PLA2G12B: variants seen among roughly 807,000 people sequenced by gnomAD.
The protein encoded by PLA2G12B is group XIIB secretory phospholipase A2-like protein.
A neutral mutation model predicts 22.3 loss-of-function variants in PLA2G12B; 19 were observed. That is an observed-to-expected ratio of 0.85 (90% confidence interval 0.60 to 1.25). The LOEUF is 1.25. PLA2G12B is among the 50% of genes most tolerant of loss of function. The pLI is 0.00. For missense variants in PLA2G12B, 191 were observed against 246.6 expected, an observed-to-expected ratio of 0.77 and a Z score of 1.51; for synonymous variants, 81 against 94.9, an observed-to-expected ratio of 0.85 and a Z score of 0.85.
Position 72,953,703 on chromosome 10 carries a change from G to A in PLA2G12B, c.211+772C>T, listed in dbSNP as rs377169868. On this transcript the variant is annotated intron_variant, in intron 1 of 3. Coordinates refer to ENST00000373032, the MANE Select transcript of PLA2G12B (RefSeq NM_032562.5). The stretch of plus-strand genomic sequence containing the variant: ...CCCCTGGGACCAGGGGCTCTGTGCC[G>A]GCAGCCAGGTGTGCACCTTATATCT... Among the ~76,000 whole-genome samples, 8 of 151,996 alleles carry A rather than the reference G, an allele frequency of 5.3e-5. No homozygotes were observed. In the East Asian group the frequency reaches 1.4e-3, roughly 26 times the overall value.
intron 3 of PLA2G12B, among the ~76,000 whole-genome samples, chr10:72,938,462 G>A (rs188340607): frequency 1.4e-4 from 22 of 151,960 alleles, no homozygotes; most frequent in East Asian, 9.7e-4. Context: ...AAAAATATTA[G>A]AACTAAGGAG....
At chr10:72,935,954 G>A (rs1642800015) in intron 3 of PLA2G12B, among the ~76,000 whole-genome samples, 1 of 152,098 alleles carries the variant, frequency 6.6e-6, no homozygotes, top group Admixed American at 6.5e-5. Flanking sequence ...TGGGCCCTTG[G>A]TCAAAACAAT....
chr10:72,946,922 CT>C (rs971582524), intron 1 of PLA2G12B, among the ~76,000 whole-genome samples: 2,038 of 142,758 alleles, frequency 0.014, 41 homozygotes, highest in African/African-American at 0.045. Flanking sequence ...TTTTCATCTT[CT>C]TTTTTTTTTT....
chr10:72,939,605 A>G (rs758853333), intron 3 of PLA2G12B, among the ~76,000 whole-genome samples: 27 of 152,142 alleles, frequency 1.8e-4, no homozygotes, highest in Admixed American at 5.9e-4. Context: ...ACTAGAAACA[A>G]GCTATCTGAA....
chr10:72,949,936 C>G (rs1044907574), intron 1 of PLA2G12B, among the ~76,000 whole-genome samples: 23 of 152,042 alleles, frequency 1.5e-4, no homozygotes, highest in Non-Finnish European at 1.5e-5. Context: ...GAGATAGTAC[C>G]ACTGCACTCC....
At chr10:72,948,245 G>C (rs1182104145) in intron 1 of PLA2G12B, among the ~76,000 whole-genome samples, 2 of 152,100 alleles carry the variant, frequency 1.3e-5, no homozygotes, top group African/African-American at 2.4e-5. Flanking sequence ...TCGGTTTCTT[G>C]GGTTACCCTC....
At chr10:72,948,941 C>T (rs1336635144) in intron 1 of PLA2G12B, among the ~76,000 whole-genome samples, 4 of 152,196 alleles carry the variant, frequency 2.6e-5, no homozygotes, top group African/African-American at 4.8e-5. Flanking sequence ...CACTGCCTCC[C>T]GGGCCCGCCC....
chr10:72,943,017 G>C (rs1022627001), intron 1 of PLA2G12B, among the ~76,000 whole-genome samples: 2 of 151,174 alleles, frequency 1.3e-5, no homozygotes, highest in Non-Finnish European at 2.9e-5. Flanking sequence ...CCAGGCTGGA[G>C]TGCAGTGGTG....
rs770141243 is a variant in PLA2G12B, at chr10:72,935,536, G to A, written c.*81C>T. On this transcript the variant is annotated 3_prime_UTR_variant, in exon 4 of 4. Transcript: ENST00000373032. Reference sequence around the variant, plus strand: ...TCCAAACTGTTGGAAGAACGAATGAGTCACGCTGACTCGAAGACTTGACAT... The same window carrying A: ...TCCAAACTGTTGGAAGAACGAATGAATCACGCTGACTCGAAGACTTGACAT... The A allele has an allele frequency of 6.4e-7, 1 of 1,569,236 alleles. No homozygotes were observed. The highest frequency in any genetic ancestry group is 1.4e-5 in the African/African-American group (1 of 74,002).
chr10:72,944,000 TTTTC>T (rs1247179546), intron 1 of PLA2G12B, among the ~76,000 whole-genome samples: 5 of 151,826 alleles, frequency 3.3e-5, no homozygotes, highest in African/African-American at 1.2e-4. Context: ...CTTTCTTTCT[TTTTC>T]TTTCTTCCTT....
At chr10:72,952,215 T>G (rs1453797969) in intron 1 of PLA2G12B, among the ~76,000 whole-genome samples, 1 of 152,236 alleles carries the variant, frequency 6.6e-6, no homozygotes, top group Non-Finnish European at 1.5e-5. Flanking sequence ...AAAATCTGGC[T>G]GGTGCCGTGG....
intron 2 of PLA2G12B, 75 bp from the exon 3 acceptor site, chr10:72,941,409 C>A: frequency 6.9e-7 from 1 of 1,441,244 alleles, no homozygotes; most frequent in Non-Finnish European, 9.5e-7. Flanking sequence ...GGCAACCTTG[C>A]CCACCTTGTT....
At chr10:72,941,374 T>C (rs367662469) in intron 2 of PLA2G12B, 40 bp from the exon 3 acceptor site, 6 of 1,590,126 alleles carry the variant, frequency 3.8e-6, no homozygotes, top group Non-Finnish European at 5.2e-6. Context: ...GGGGAAGAAA[T>C]GCCACGTTTA....
intron 1 of PLA2G12B, among the ~76,000 whole-genome samples, chr10:72,943,656 T>A (rs934466355): frequency 6.6e-6 from 1 of 152,206 alleles, no homozygotes; most frequent in East Asian, 1.9e-4. Context: ...GTTGTATCAA[T>A]GGCAGTGCTC....
At chr10:72,940,331 A>C (rs1361883055) in intron 3 of PLA2G12B, among the ~76,000 whole-genome samples, 1 of 152,202 alleles carries the variant, frequency 6.6e-6, no homozygotes, top group African/African-American at 2.4e-5. Context: ...TCAGAAACTG[A>C]GACAGTAAAA....
intron 1 of PLA2G12B, among the ~76,000 whole-genome samples, chr10:72,943,469 G>T (rs999385664): frequency 1.3e-5 from 2 of 152,116 alleles, no homozygotes; most frequent in African/African-American, 4.8e-5. Flanking sequence ...TTAACTTGCA[G>T]GAAATTCAAG....
chr10:72,943,968 CTTT>C (rs1440774517), intron 1 of PLA2G12B, among the ~76,000 whole-genome samples: 3 of 151,824 alleles, frequency 2.0e-5, no homozygotes, highest in Non-Finnish European at 4.4e-5. Flanking sequence ...TCTTTCTTTT[CTTT>C]CTTTCTTTTT....
Position 72,941,168 on chromosome 10 carries a change from C to T in PLA2G12B, c.466+1G>A, listed in dbSNP as rs1437289582. On this transcript the variant is annotated splice_donor_variant, in intron 3 of 3. Coordinates refer to ENST00000373032, the MANE Select transcript of PLA2G12B (RefSeq NM_032562.5). LOFTEE classifies it high-confidence loss of function. ...ACTGTACGTGCCATTGAGACACCTA[C>T]CTTCCACTTTGGAGACAAAGCCCAG... The T allele has an allele frequency of 5.0e-6, 8 of 1,613,830 alleles. No homozygotes were observed. The highest frequency in any genetic ancestry group is 6.8e-6 in the Non-Finnish European group (8 of 1,179,840).
chr10:72,939,709 G>T (rs1846330748), intron 3 of PLA2G12B, among the ~76,000 whole-genome samples: 1 of 152,250 alleles, frequency 6.6e-6, no homozygotes, highest in Admixed American at 6.5e-5. Flanking sequence ...TCTACGAAGG[G>T]ACAGTTCTGA....
Sources: allele counts gnomAD v4.1 joint callset (sites outside exome capture counted in the v4.1 genomes callset), GRCh38; gene constraint gnomAD v4.1.1; transcripts MANE v1.5; gene names NCBI Gene and HGNC (gene_info 2026-07-23, HGNC 2026-07-21).